The following CDH13 variants were observed in gnomAD, a reference collection of about 807,000 sequenced individuals.
The protein encoded by CDH13 is cadherin 13.
Under a neutral mutation model 63.8 loss-of-function variants are expected in CDH13, and 24 were observed. That is an observed-to-expected ratio of 0.38 (90% confidence interval 0.27 to 0.53). The LOEUF (loss-of-function observed/expected upper bound fraction) is 0.53, where lower values mean the gene tolerates loss of function less well. Ranked by LOEUF, CDH13 falls within the 20% of genes least tolerant of loss-of-function variation. The pLI is 0.85. For missense variants in CDH13, 1,049 were observed against 903.1 expected, an observed-to-expected ratio of 1.16 and a Z score of -2.07; for synonymous variants, 503 against 355.3, an observed-to-expected ratio of 1.42 and a Z score of -4.67.
At chr16:82,879,518 G>T in intron 2 of CDH13, among the ~76,000 whole-genome samples, 1 of 139,280 alleles carries the variant, frequency 7.2e-6, no homozygotes, top group African/African-American at 2.6e-5. Context: ...TATATTTATA[G>T]TATATTAATA....
chr16:83,612,447 T>G (rs946238434), intron 8 of CDH13, among the ~76,000 whole-genome samples: 3 of 152,070 alleles, frequency 2.0e-5, no homozygotes, highest in African/African-American at 7.2e-5. Flanking sequence ...TGGGCTTTGA[T>G]TTTTTAAAAT....
intron 2 of CDH13, among the ~76,000 whole-genome samples, chr16:83,029,690 C>G (rs1288822370): frequency 6.6e-6 from 1 of 152,024 alleles, no homozygotes; most frequent in African/African-American, 2.4e-5. Context: ...GTATTAGAGG[C>G]TAGAATAATG....
chr16:82,648,643 C>T (rs1260500828), intron 1 of CDH13, among the ~76,000 whole-genome samples: 1 of 152,168 alleles, frequency 6.6e-6, no homozygotes, highest in Non-Finnish European at 1.5e-5. Flanking sequence ...AAAATCCTAA[C>T]TGCAATTTTG....
chr16:83,555,153 C>T (rs952783682), intron 7 of CDH13, among the ~76,000 whole-genome samples: 4 of 152,110 alleles, frequency 2.6e-5, no homozygotes, highest in Non-Finnish European at 1.5e-5. Context: ...AGTTCAGCAG[C>T]TTGAAAGAGG....
intron 6 of CDH13, among the ~76,000 whole-genome samples, chr16:83,427,664 T>C (rs1348250976): frequency 6.6e-6 from 1 of 152,168 alleles, no homozygotes; most frequent in Admixed American, 6.5e-5. Context: ...GCAGTGATTA[T>C]GGTGCCTTGT....
rs141779119 is a variant in CDH13, at chr16:82,852,105, C to T, written c.46-6257C>T. Reference sequence around the variant, plus strand: ...AGGGGATGGAACCTGAGAGTGTTCTCAACCTCGTGAGATTAATTATTTGTG... The same window carrying T: ...AGGGGATGGAACCTGAGAGTGTTCTTAACCTCGTGAGATTAATTATTTGTG... On this transcript the variant is annotated intron_variant, in intron 1 of 13. Transcript: ENST00000567109. Among the ~76,000 whole-genome samples, 238 of 152,306 alleles carry T rather than the reference C, an allele frequency of 1.6e-3. 5 individuals are homozygous for T. The highest frequency in any genetic ancestry group is 0.013 in the Admixed American group (206 of 15,300).
chr16:83,177,089 G>C (rs562879930), intron 4 of CDH13, among the ~76,000 whole-genome samples: 1 of 152,298 alleles, frequency 6.6e-6, no homozygotes, highest in African/African-American at 2.4e-5. Flanking sequence ...GAGGACTTGA[G>C]ATGTGGCTGG....
At chr16:83,540,449 C>T (rs1389347564) in intron 7 of CDH13, among the ~76,000 whole-genome samples, 1 of 152,168 alleles carries the variant, frequency 6.6e-6, no homozygotes. Context: ...TCATTACCAC[C>T]TCCTCCTTGC....
At chr16:83,157,025 C>T (rs1389360581) in intron 4 of CDH13, among the ~76,000 whole-genome samples, 1 of 152,072 alleles carries the variant, frequency 6.6e-6, no homozygotes, top group Non-Finnish European at 1.5e-5. Context: ...ATTATATTTT[C>T]CAAATCAAGG....
intron 9 of CDH13, among the ~76,000 whole-genome samples, chr16:83,674,141 C>G (rs1914755575): frequency 6.6e-6 from 1 of 152,168 alleles, no homozygotes; most frequent in African/African-American, 2.4e-5. Context: ...GGGATGCATT[C>G]TGTTGCAAGT....
intron 2 of CDH13, among the ~76,000 whole-genome samples, chr16:82,912,550 C>A (rs568090682): frequency 1.3e-5 from 2 of 152,190 alleles, no homozygotes; most frequent in African/African-American, 4.8e-5. Flanking sequence ...TGGGAAAGTA[C>A]ATAAAATAAT....
chr16:83,389,585 A>C (rs1002337522), intron 6 of CDH13, among the ~76,000 whole-genome samples: 49 of 152,160 alleles, frequency 3.2e-4, no homozygotes, highest in Non-Finnish European at 6.0e-4. Context: ...TTATTGATGG[A>C]CTGGACCATT....
At chr16:83,790,696 C>A (rs1916202992) in intron 13 of CDH13, among the ~76,000 whole-genome samples, 1 of 152,192 alleles carries the variant, frequency 6.6e-6, no homozygotes, top group African/African-American at 2.4e-5. Flanking sequence ...AGCCACCATG[C>A]CTGGCCCGGT....
At chr16:82,646,280 C>G (rs1411605911) in intron 1 of CDH13, 1 of 152,240 alleles carries the variant, frequency 6.6e-6, no homozygotes, top group Admixed American at 6.5e-5. Context: ...ACCTCCATCT[C>G]CAGAGTTCAA....
At chr16:83,662,249 A>G (rs1246312931) in intron 8 of CDH13, among the ~76,000 whole-genome samples, 4 of 152,156 alleles carry the variant, frequency 2.6e-5, no homozygotes, top group Non-Finnish European at 5.9e-5. Context: ...ATGGCTTCAG[A>G]CATTTAACTG....
intron 1 of CDH13, among the ~76,000 whole-genome samples, chr16:82,820,476 C>T (rs1452891137): frequency 6.6e-6 from 1 of 152,174 alleles, no homozygotes; most frequent in Admixed American, 6.5e-5. Flanking sequence ...GTAACCTCCC[C>T]ACAGTTTTAT....
intron 2 of CDH13, among the ~76,000 whole-genome samples, chr16:83,007,951 C>T (rs535088043): frequency 6.6e-6 from 1 of 152,126 alleles, no homozygotes; most frequent in East Asian, 1.9e-4. Flanking sequence ...TTGTCCTTTT[C>T]CTCAATTGTT....
At chr16:83,714,647 A>G (rs139203350) in intron 10 of CDH13, among the ~76,000 whole-genome samples, 3 of 152,340 alleles carry the variant, frequency 2.0e-5, no homozygotes, top group Non-Finnish European at 4.4e-5. Flanking sequence ...ACTGTAACAT[A>G]TGACTATCAC....
chr16:83,364,076 G>A (rs542249506), intron 6 of CDH13, among the ~76,000 whole-genome samples: 2 of 152,136 alleles, frequency 1.3e-5, no homozygotes, highest in African/African-American at 2.4e-5. Context: ...AATGTTTACC[G>A]AATGAATTAA....
Sources: gnomAD v4.1 joint callset for allele counts (sites outside exome capture counted in the v4.1 genomes callset) on GRCh38, gnomAD v4.1.1 for gene constraint, MANE v1.5 for transcripts, NCBI Gene and HGNC (gene_info 2026-07-23, HGNC 2026-07-21) for gene names.